CSMD3: variants seen among roughly 807,000 people sequenced by gnomAD.
The protein encoded by CSMD3 is CUB and sushi domain-containing protein 3.
A neutral mutation model predicts 435.2 loss-of-function variants in CSMD3; 177 were observed. The ratio of observed to expected loss-of-function variants is 0.41; its 90% CI spans 0.36 to 0.46. The LOEUF is 0.46. CSMD3 is among the 20% of genes least tolerant of loss of function. The pLI, the probability that CSMD3 is intolerant of heterozygous loss-of-function variation, is 0.34. For missense variants in CSMD3, 4,265 were observed against 4,504.6 expected (o/e 0.95, Z 1.52); for synonymous variants, 1,656 against 1,520.5 (o/e 1.09, Z -2.07).
At chr8:112,846,348 C>T (rs567236555) in intron 11 of CSMD3, among the ~76,000 whole-genome samples, 3 of 148,546 alleles carry the variant, frequency 2.0e-5, no homozygotes, top group Admixed American at 6.8e-5. Context: ...TTCTTTCTCT[C>T]CCTCCCTCCC....
At chr8:112,243,867 G>T (rs991976906) in intron 65 of CSMD3, among the ~76,000 whole-genome samples, 1 of 151,998 alleles carries the variant, frequency 6.6e-6, no homozygotes. Flanking sequence ...AAGAGGAGAG[G>T]CCACACAAAG....
rs182421738 is a variant in CSMD3 at position 113,156,271 on chromosome 8, T to G, written c.709+17451A>C. On this transcript the variant is annotated intron_variant, in intron 4 of 70. Coordinates refer to ENST00000297405, the MANE Select transcript of CSMD3 (RefSeq NM_198123.2). ...AGTTAAATTGGATACAACTGCAATA[T>G]CTCTACATAAGCTATGATCATATGG... Among the ~76,000 whole-genome samples, 543 of 152,182 alleles carry G rather than the reference T, an allele frequency of 3.6e-3. 8 individuals carry two copies. The highest frequency in any genetic ancestry group is 0.013 in the African/African-American group (522 of 41,560).
chr8:113,422,880 A>C (rs1012078688), intron 1 of CSMD3, among the ~76,000 whole-genome samples: 1 of 152,084 alleles, frequency 6.6e-6, no homozygotes, highest in African/African-American at 2.4e-5. Flanking sequence ...TAAAGTGTAG[A>C]TTATCCCTTA....
intron 3 of CSMD3, among the ~76,000 whole-genome samples, chr8:113,214,882 T>C (rs1402690506): frequency 6.6e-6 from 1 of 151,820 alleles, no homozygotes. Flanking sequence ...TATTTTAAAA[T>C]TAAGATTCTG....
At chr8:113,136,984 T>G (rs75530419) in intron 4 of CSMD3, among the ~76,000 whole-genome samples, 8 of 151,626 alleles carry the variant, frequency 5.3e-5, no homozygotes, top group African/African-American at 1.9e-4. Flanking sequence ...AATTTGTGTA[T>G]AGATATTGAG....
At chr8:112,606,731 G>A (rs1226099214) in intron 22 of CSMD3, among the ~76,000 whole-genome samples, 1 of 152,002 alleles carries the variant, frequency 6.6e-6, no homozygotes, top group Non-Finnish European at 1.5e-5. Flanking sequence ...TTGGTAACAG[G>A]AGGAAAACTA....
intron 69 of CSMD3, among the ~76,000 whole-genome samples, chr8:112,231,058 T>G (rs1262306915): frequency 6.6e-6 from 1 of 152,112 alleles, no homozygotes; most frequent in African/African-American, 2.4e-5. Flanking sequence ...TGCAGAAAAT[T>G]TACATATTTG....
rs180729914 is a variant in CSMD3 at position 112,470,379 on chromosome 8, T to C, written c.5395+2212A>G. On this transcript the variant is annotated intron_variant, in intron 32 of 70. Transcript: ENST00000297405. ...AAGAATGTGTATATGTGTACTTGTG[T>C]ATGCATGTGACTTACTATGTTATTA... 8.9e-4 allele frequency among the ~76,000 whole-genome samples: 136 copies of C among 152,284 alleles called. 2 individuals are homozygous for C. In the East Asian group the frequency reaches 0.024, roughly 27 times the overall value.
At chr8:113,364,132 T>C (rs576563140) in intron 1 of CSMD3, among the ~76,000 whole-genome samples, 6 of 152,308 alleles carry the variant, frequency 3.9e-5, no homozygotes, top group African/African-American at 1.2e-4. Flanking sequence ...TATGTGTTTT[T>C]ATGACTATAA....
chr8:113,186,386 T>G (rs890505532), intron 3 of CSMD3, among the ~76,000 whole-genome samples: 3 of 152,044 alleles, frequency 2.0e-5, no homozygotes, highest in Non-Finnish European at 4.4e-5. Context: ...CCCACCAAGC[T>G]GATTTACTTT....
chr8:112,254,463 A>T lies in CSMD3; in HGVS notation c.10037-137T>A. ...TAATAAATAATGTAAATGTAATAACATCTCTCCATGGACAGAAGCCTGTTA... is the reference window on the plus strand; with the variant it reads ...TAATAAATAATGTAAATGTAATAACTTCTCTCCATGGACAGAAGCCTGTTA... On this transcript the variant is annotated intron_variant, in intron 62 of 70. Transcript: ENST00000297405. 1.0e-5 allele frequency: 7 copies of T among 699,052 alleles called. No homozygotes were observed. In the South Asian group the frequency reaches 1.1e-4, roughly 11 times the overall value. 43.3% of individuals were successfully genotyped at this position (699,052 alleles called of 1,614,324 possible). A position where few individuals can be genotyped will look rare whatever the true frequency, so the allele number is the denominator to read the frequency against.
intron 2 of CSMD3, chr8:113,313,321 T>C (rs1311164261): frequency 3.3e-5 from 5 of 152,104 alleles, no homozygotes; most frequent in Non-Finnish European, 7.3e-5. Flanking sequence ...ACTAATTCTT[T>C]CTTTTTTCTT....
Position 112,247,020 on chromosome 8 carries a change from G to A in CSMD3, c.10222C>T (p.Pro3408Ser), listed in dbSNP as rs374312553. The change falls in exon 64 of 71, where the codon CCC (proline) becomes TCC (serine). Residue 3408 changes from proline to serine, a missense_variant and splice_region_variant. Coordinates refer to ENST00000297405, the MANE Select transcript of CSMD3 (RefSeq NM_198123.2). Reference sequence around the variant, plus strand: ...ATTATTTCTTATCCATAATACTTACGTATGCATTCAGGCTGAATCCCACTC... The same window carrying A: ...ATTATTTCTTATCCATAATACTTACATATGCATTCAGGCTGAATCCCACTC... ...TWSGIQPECI[P>S]HSCKQPETPA... 5.6e-5 allele frequency: 89 copies of A among 1,597,592 alleles called. 1 individual carries two copies. The South Asian group carries it at 6.4e-4, about 11-fold the overall frequency.
chr8:113,399,993 T>G (rs1379125466), intron 1 of CSMD3, among the ~76,000 whole-genome samples: 2 of 151,762 alleles, frequency 1.3e-5, no homozygotes, highest in Admixed American at 6.6e-5. Flanking sequence ...TTGGTTAGAT[T>G]TTAAATAACA....
At chr8:113,371,220 C>T (rs1052176490) in intron 1 of CSMD3, among the ~76,000 whole-genome samples, 8 of 151,822 alleles carry the variant, frequency 5.3e-5, no homozygotes, top group Middle Eastern at 3.2e-3. Flanking sequence ...TAACTACTTC[C>T]TTTTTGAGGA....
chr8:112,242,035 T>G lies in CSMD3; in HGVS notation c.10403-250A>C, dbSNP rs183050638. Reference sequence around the variant, plus strand: ...CAGTCTATTGGCACAAGGGGCAGATTTGTGTTGCTTTATCATCTTGGGATG... The same window carrying G: ...CAGTCTATTGGCACAAGGGGCAGATGTGTGTTGCTTTATCATCTTGGGATG... On this transcript the variant is annotated intron_variant, in intron 65 of 70. Coordinates refer to ENST00000297405, the MANE Select transcript of CSMD3 (RefSeq NM_198123.2). Among the ~76,000 whole-genome samples the G allele has an allele frequency of 1.1e-3, 166 of 152,226 alleles. 1 individual carries two copies. Among genetic ancestry groups the G allele is most frequent in the African/African-American group, 3.7e-3 (154 of 41,562 alleles).
chr8:112,442,099 AAAG>A (rs1294247735), intron 32 of CSMD3, among the ~76,000 whole-genome samples: 1 of 152,218 alleles, frequency 6.6e-6, no homozygotes, highest in Non-Finnish European at 1.5e-5. Flanking sequence ...GCAGAAGGCA[AAAG>A]AAGAATAGGT....
chr8:113,328,112 C>T (rs2093997478), intron 1 of CSMD3, among the ~76,000 whole-genome samples: 1 of 152,048 alleles, frequency 6.6e-6, no homozygotes, highest in Admixed American at 6.6e-5. Context: ...CACACACACA[C>T]ACACACACCA....
At chr8:113,335,565 G>GTTTTTTTTTTTTTTTTTTTTTTTTTTTT (rs1263100966) in intron 1 of CSMD3, among the ~76,000 whole-genome samples, 2 of 98,126 alleles carry the variant, frequency 2.0e-5, no homozygotes, top group Non-Finnish European at 1.9e-5. Context: ...TTTTTTTTGG[G>GTTTTTTTTTTTTTTTTTTTTTTTTTTTT]TATTTACATG....
Sources: gnomAD v4.1 joint callset for allele counts (sites outside exome capture counted in the v4.1 genomes callset) on GRCh38, gnomAD v4.1.1 for gene constraint, MANE v1.5 for transcripts, NCBI Gene and HGNC (gene_info 2026-07-23, HGNC 2026-07-21) for gene names.